The following MDGA2 variants were observed in gnomAD, a reference collection of about 807,000 sequenced individuals.
MDGA2 encodes the protein MAM domain containing glycosylphosphatidylinositol anchor 2, also known as MAM domain-containing glycosylphosphatidylinositol anchor protein 2.
MDGA2 carries 40 observed loss-of-function variants against 117.8 expected under a neutral mutation model. That is an observed-to-expected ratio of 0.34 (90% CI 0.26 to 0.44). The LOEUF is 0.44. Ranked by LOEUF, MDGA2 falls within the 20% of genes least tolerant of loss-of-function variation. The pLI is 1.00. For synonymous variants in MDGA2, 452 were observed against 439.0 expected, an observed-to-expected ratio of 1.03 and a Z score of -0.37; for missense variants, 1,123 against 1,250.6, an observed-to-expected ratio of 0.90 and a Z score of 1.54.
chr14:47,143,214 C>T (rs796712210), intron 4 of MDGA2, among the ~76,000 whole-genome samples: 15 of 152,266 alleles, frequency 9.9e-5, no homozygotes, highest in African/African-American at 3.6e-4. Flanking sequence ...AATCTCTTGA[C>T]CTCATCTCAG....
intron 8 of MDGA2, among the ~76,000 whole-genome samples, chr14:46,991,234 C>T (rs973339157): frequency 6.6e-6 from 1 of 152,060 alleles, no homozygotes; most frequent in African/African-American, 2.4e-5. Context: ...GTGAAGACAT[C>T]CTCTGCCTTA....
chr14:46,918,086 T>C (rs1487434238), intron 10 of MDGA2, among the ~76,000 whole-genome samples: 2 of 152,130 alleles, frequency 1.3e-5, no homozygotes, highest in Non-Finnish European at 2.9e-5. Context: ...ACACAGCTAG[T>C]AATGGGAAGT....
chr14:47,546,866 C>T (rs752570361), intron 1 of MDGA2, among the ~76,000 whole-genome samples: 2 of 152,132 alleles, frequency 1.3e-5, no homozygotes, highest in African/African-American at 2.4e-5. Flanking sequence ...ATCTTGTTCA[C>T]TTTAGAGCCT....
intron 3 of MDGA2, among the ~76,000 whole-genome samples, chr14:47,162,255 C>G (rs753738886): frequency 6.6e-6 from 1 of 152,050 alleles, no homozygotes. Context: ...AACCCACATT[C>G]TTGACCCATT....
At chr14:47,275,877 C>T (rs1478157200) in intron 2 of MDGA2, among the ~76,000 whole-genome samples, 2 of 152,134 alleles carry the variant, frequency 1.3e-5, no homozygotes, top group Non-Finnish European at 2.9e-5. Flanking sequence ...TAAGAGTTGA[C>T]ACACAGTTCC....
chr14:46,980,323 A>T (rs1886622411), intron 8 of MDGA2, among the ~76,000 whole-genome samples: 1 of 152,186 alleles, frequency 6.6e-6, no homozygotes, highest in Non-Finnish European at 1.5e-5. Flanking sequence ...GAGCCTGAAG[A>T]TGTGACTGAA....
rs564026423 is a variant in MDGA2, at chr14:47,104,759, G to C, written c.926-7636C>G. Reference sequence around the variant, plus strand: ...CTCCTGCTCTTTGCTCCGTGAGAAAGATCCACCTACGACCTCAGGTCCTCA... The same window carrying C: ...CTCCTGCTCTTTGCTCCGTGAGAAACATCCACCTACGACCTCAGGTCCTCA... On this transcript the variant is annotated intron_variant, in intron 5 of 16. Coordinates refer to ENST00000399232, the MANE Select transcript of MDGA2 (RefSeq NM_001113498.3). 7.2e-5 allele frequency among the ~76,000 whole-genome samples: 11 copies of C among 152,252 alleles called. No individual in the cohort carries two copies. The South Asian group carries it at 2.3e-3, about 32-fold the overall frequency.
intron 2 of MDGA2, 124 bp downstream of exon 2, chr14:47,301,287 A>C: frequency 7.3e-6 from 7 of 952,436 alleles, no homozygotes; most frequent in Middle Eastern, 3.4e-4. Context: ...ACACACACCC[A>C]CACCCACCCA....
intron 1 of MDGA2, among the ~76,000 whole-genome samples, chr14:47,500,276 C>T (rs1894373284): frequency 1.3e-5 from 2 of 151,962 alleles, no homozygotes; most frequent in South Asian, 2.1e-4. Context: ...GGCCTCAGCC[C>T]GTAACAGGAA....
At chr14:47,285,787 C>T (rs113088462) in intron 2 of MDGA2, among the ~76,000 whole-genome samples, 4 of 152,032 alleles carry the variant, frequency 2.6e-5, no homozygotes, top group African/African-American at 9.7e-5. Context: ...TTATTAAATG[C>T]TTAATTCTTA....
At chr14:47,599,303 G>A (rs1315454071) in intron 1 of MDGA2, among the ~76,000 whole-genome samples, 1 of 148,026 alleles carries the variant, frequency 6.8e-6, no homozygotes, top group Non-Finnish European at 1.5e-5. Context: ...TGGAAACTAA[G>A]ACAAATGCTG....
chr14:47,055,470 C>T (rs1431682295), intron 7 of MDGA2, among the ~76,000 whole-genome samples: 1 of 152,050 alleles, frequency 6.6e-6, no homozygotes, highest in East Asian at 1.9e-4. Context: ...GATTCAATAA[C>T]ATTATTCTGT....
intron 1 of MDGA2, among the ~76,000 whole-genome samples, chr14:47,653,403 C>T (rs942873846): frequency 1.3e-5 from 2 of 152,010 alleles, no homozygotes; most frequent in Non-Finnish European, 1.5e-5. Context: ...AGTGAAATGT[C>T]GCTGGTGCTT....
chr14:47,441,651 T>A (rs916402687), intron 1 of MDGA2, among the ~76,000 whole-genome samples: 1 of 152,160 alleles, frequency 6.6e-6, no homozygotes, highest in Non-Finnish European at 1.5e-5. Flanking sequence ...TGACAGTTTT[T>A]TGAAAATCAG....
At chr14:47,008,893 C>A (rs1377203863) in intron 8 of MDGA2, among the ~76,000 whole-genome samples, 1 of 151,988 alleles carries the variant, frequency 6.6e-6, no homozygotes, top group Non-Finnish European at 1.5e-5. Context: ...ATGTTTATTT[C>A]TCCCTGAGCA....
At chr14:46,889,903 C>A (rs1882815023) in intron 10 of MDGA2, among the ~76,000 whole-genome samples, 1 of 152,056 alleles carries the variant, frequency 6.6e-6, no homozygotes, top group Admixed American at 6.6e-5. Flanking sequence ...CTTTCCTACT[C>A]TGGTGGGTTG....
chr14:47,156,266 T>C (rs780337432), intron 3 of MDGA2, among the ~76,000 whole-genome samples: 2 of 152,200 alleles, frequency 1.3e-5, no homozygotes, highest in Non-Finnish European at 2.9e-5. Context: ...TTTAAGCTTC[T>C]AGGATTCTAG....
At position 47,187,992 on chromosome 14, in the gene MDGA2, G is replaced by T. The variant is rs1236893883; in HGVS notation, c.595+30029C>A. Among the ~76,000 whole-genome samples the T allele has an allele frequency of 2.0e-5, 3 of 151,846 alleles. No homozygotes were observed. The East Asian group carries it at 5.8e-4, about 29-fold the overall frequency. ...CAAATACTCCATCAAATTACAAAAA[G>T]TGTAGTAAAAATATGAATGTAAAAA... is the stretch of plus-strand genomic sequence containing the variant. On this transcript the variant is annotated intron_variant, in intron 3 of 16. Transcript: ENST00000399232.
chr14:47,558,446 G>T (rs1341531132), intron 1 of MDGA2, among the ~76,000 whole-genome samples: 1 of 152,082 alleles, frequency 6.6e-6, no homozygotes, highest in East Asian at 1.9e-4. Context: ...TTTTCTGGGG[G>T]AGTACATTAT....
Sources: allele counts gnomAD v4.1 joint callset (sites outside exome capture counted in the v4.1 genomes callset), GRCh38; gene constraint gnomAD v4.1.1; transcripts MANE v1.5; gene names NCBI Gene and HGNC (gene_info 2026-07-23, HGNC 2026-07-21).